CAMSAP2: variants seen among roughly 807,000 people sequenced by gnomAD.
The protein encoded by CAMSAP2 is calmodulin regulated spectrin associated protein family member 2.
A neutral mutation model predicts 146.1 loss-of-function variants in CAMSAP2; 26 were observed. That is an observed-to-expected ratio of 0.18 (90% CI 0.13 to 0.25). CAMSAP2 has a LOEUF of 0.25. Among genes scored for constraint, CAMSAP2 ranks in the 10% least tolerant of loss-of-function variants. The probability of loss-of-function intolerance (pLI) is 1.00; values close to 1 mark genes in which losing one functional copy is unlikely to be tolerated. For missense variants in CAMSAP2, 1,381 were observed against 1,759.3 expected, an observed-to-expected ratio of 0.78 and a Z score of 3.85; for synonymous variants, 499 against 596.6, an observed-to-expected ratio of 0.84 and a Z score of 2.38.
At chr1:200,841,125 C>T (rs1162918890) in intron 6 of CAMSAP2, among the ~76,000 whole-genome samples, 1 of 152,060 alleles carries the variant, frequency 6.6e-6, no homozygotes, top group East Asian at 1.9e-4. Flanking sequence ...TAGGTAGATA[C>T]ATTCATTGTA....
At position 200,853,607 on chromosome 1, in the gene CAMSAP2, T is replaced by A. The variant is rs1667679650; in HGVS notation, c.3823+112T>A. On this transcript the variant is annotated intron_variant, in intron 13 of 16. Transcript: ENST00000358823. The surrounding 1 kb of genome is among the most constrained non-coding windows in gnomAD (Gnocchi z 5.1). Reference sequence around the variant, plus strand: ...CAAAATTGGATACACAGTTTGAGATTGTGCATGCTCCCTTTTGGAAAACCA... The same window carrying A: ...CAAAATTGGATACACAGTTTGAGATAGTGCATGCTCCCTTTTGGAAAACCA... The A allele has an allele frequency of 1.2e-6, 1 of 800,042 alleles. No individual in the cohort carries two copies. Among genetic ancestry groups the A allele is most frequent in the South Asian group, 1.8e-5 (1 of 55,468 alleles). The allele number at this position is 800,042 out of a possible 1,614,324, so 49.6% of individuals were successfully genotyped here.
intron 1 of CAMSAP2, among the ~76,000 whole-genome samples, chr1:200,746,241 C>T (rs995564510): frequency 2.6e-5 from 4 of 152,078 alleles, no homozygotes; most frequent in African/African-American, 9.7e-5. Flanking sequence ...AAGGAGGAAA[C>T]CACAGGGAAG....
intron 1 of CAMSAP2, among the ~76,000 whole-genome samples, chr1:200,751,797 A>T (rs768167996): frequency 6.6e-6 from 1 of 152,148 alleles, no homozygotes; most frequent in Non-Finnish European, 1.5e-5. Context: ...AGATGGAGAG[A>T]CACAGAGGTG....
intron 1 of CAMSAP2, among the ~76,000 whole-genome samples, chr1:200,754,758 A>G (rs1010964553): frequency 6.6e-6 from 1 of 151,516 alleles, no homozygotes; most frequent in African/African-American, 2.4e-5. Context: ...AATTTTTTGT[A>G]TGTTTAGTAG....
intron 2 of CAMSAP2, among the ~76,000 whole-genome samples, chr1:200,768,834 A>G (rs1228749633): frequency 6.6e-6 from 1 of 151,956 alleles, no homozygotes; most frequent in Non-Finnish European, 1.5e-5. Context: ...TTGTATTTTT[A>G]GTAGAGACAG....
At chr1:200,774,299 C>T (rs1665204368) in intron 2 of CAMSAP2, among the ~76,000 whole-genome samples, 1 of 147,292 alleles carries the variant, frequency 6.8e-6, no homozygotes, top group African/African-American at 2.5e-5. Flanking sequence ...AAATGAGCTT[C>T]TGTAATAGAA....
chr1:200,790,170 G>A (rs1211608572), intron 2 of CAMSAP2, among the ~76,000 whole-genome samples: 2 of 152,114 alleles, frequency 1.3e-5, no homozygotes, highest in Non-Finnish European at 2.9e-5. Context: ...GAAGGCTAGA[G>A]GGGACAGGAT....
intron 1 of CAMSAP2, among the ~76,000 whole-genome samples, chr1:200,743,720 C>A (rs1664241087): frequency 6.6e-6 from 1 of 152,180 alleles, no homozygotes; most frequent in African/African-American, 2.4e-5. Context: ...GCGGGTGGAT[C>A]ACCTGAGGTC....
rs1385272219 is a variant in CAMSAP2, at chr1:200,841,657, G to A, written c.928-337G>A. ...GTGATAACCCCTCTTTAGAGTGTCA[G>A]ATGATTGAATAACTTTTTAAGTTGC... is the stretch of plus-strand genomic sequence containing the variant. On this transcript the variant is annotated intron_variant, in intron 6 of 16. Coordinates refer to ENST00000358823, the MANE Select transcript of CAMSAP2 (RefSeq NM_203459.4). 2.0e-5 allele frequency among the ~76,000 whole-genome samples: 3 copies of A among 152,316 alleles called. No individual in the cohort carries two copies. The East Asian group carries it at 5.8e-4, about 29-fold the overall frequency.
At chr1:200,755,332 A>G (rs1383569408) in intron 1 of CAMSAP2, among the ~76,000 whole-genome samples, 1 of 152,238 alleles carries the variant, frequency 6.6e-6, no homozygotes, top group Admixed American at 6.5e-5. Flanking sequence ...CTGAAGCATC[A>G]TGTATTTATA....
intron 1 of CAMSAP2, among the ~76,000 whole-genome samples, chr1:200,760,349 T>A (rs1664766896): frequency 6.6e-6 from 1 of 152,196 alleles, no homozygotes; most frequent in Non-Finnish European, 1.5e-5. Flanking sequence ...GGCAAAGAGA[T>A]AGAATAAGTT....
chr1:200,766,366 A>G (rs1664952705), intron 2 of CAMSAP2, among the ~76,000 whole-genome samples: 1 of 151,898 alleles, frequency 6.6e-6, no homozygotes, highest in South Asian at 2.1e-4. Flanking sequence ...GCCCAGGCTG[A>G]TCTCAAACTC....
intron 12 of CAMSAP2, 22 bp downstream of exon 12, chr1:200,852,699 G>C (rs1667652183): frequency 1.2e-6 from 2 of 1,600,894 alleles, no homozygotes; most frequent in African/African-American, 2.7e-5. Flanking sequence ...TGCTGGCCCA[G>C]TGCTAGATCT....
chr1:200,827,441 C>T (rs1205088979), intron 4 of CAMSAP2, among the ~76,000 whole-genome samples: 1 of 152,154 alleles, frequency 6.6e-6, no homozygotes, highest in Non-Finnish European at 1.5e-5. Flanking sequence ...TTTTCAGTGG[C>T]TTCCTGCTCT....
intron 2 of CAMSAP2, among the ~76,000 whole-genome samples, chr1:200,799,343 T>A (rs1665973138): frequency 6.6e-6 from 1 of 152,186 alleles, no homozygotes; most frequent in Non-Finnish European, 1.5e-5. Flanking sequence ...CTGCCTCAAT[T>A]TCAGAACTTG....
At chr1:200,833,394 CT>C (rs1316991966) in intron 6 of CAMSAP2, among the ~76,000 whole-genome samples, 1 of 151,968 alleles carries the variant, frequency 6.6e-6, no homozygotes, top group Non-Finnish European at 1.5e-5. Context: ...AACCCCATCC[CT>C]ACAATAAATA....
intron 3 of CAMSAP2, among the ~76,000 whole-genome samples, chr1:200,810,333 A>C (rs1034070130): frequency 6.6e-6 from 1 of 151,828 alleles, no homozygotes; most frequent in Non-Finnish European, 1.5e-5. Flanking sequence ...TAATCCCAGC[A>C]CTTTGGGAGG....
At chr1:200,761,159 G>A (rs1664790194) in intron 2 of CAMSAP2, 61 bp downstream of exon 2, 1 of 1,450,694 alleles carries the variant, frequency 6.9e-7, no homozygotes, top group South Asian at 1.2e-5. Context: ...GAGTGTGAAT[G>A]ATATACTGTA....
At chr1:200,817,250 A>ATACACACACACACACG (rs796202550) in intron 4 of CAMSAP2, among the ~76,000 whole-genome samples, 5 of 10,586 alleles carry the variant, frequency 4.7e-4, no homozygotes, top group African/African-American at 1.9e-3. Context: ...ATACACACAT[A>ATACACACACACACACG]TGTGTGTGTA....
Sources: allele counts gnomAD v4.1 joint callset (sites outside exome capture counted in the v4.1 genomes callset), GRCh38; gene constraint gnomAD v4.1.1; non-coding constraint Gnocchi (gnomAD v3.1); transcripts MANE v1.5; gene names NCBI Gene and HGNC (gene_info 2026-07-23, HGNC 2026-07-21).